RAPGEF5: variants seen among roughly 807,000 people sequenced by gnomAD.
RAPGEF5 encodes Rap guanine nucleotide exchange factor 5, also known as M-Ras-regulated GEF.
Under a neutral mutation model 125.2 loss-of-function variants are expected in RAPGEF5, and 65 were observed. The observed-to-expected ratio is 0.52, with a 90% CI of 0.43 to 0.64. The LOEUF is 0.64. Among genes scored for constraint, RAPGEF5 ranks in the 30% least tolerant of loss-of-function variants. The pLI is 0.00. For missense variants in RAPGEF5, 958 were observed against 1,048.1 expected (o/e 0.91, Z 1.19); for synonymous variants, 391 against 385.9 (o/e 1.01, Z -0.16).
At chr7:22,355,934 A>C (rs1784412535) in intron 1 of RAPGEF5, 5 of 981,540 alleles carry the variant, frequency 5.1e-6, no homozygotes, top group Middle Eastern at 5.2e-4. Flanking sequence ...CTTCTCATTA[A>C]AGACCACTTA....
intron 8 of RAPGEF5, among the ~76,000 whole-genome samples, chr7:22,225,178 T>C (rs553902785): frequency 6.3e-4 from 96 of 152,150 alleles, no homozygotes; most frequent in Admixed American, 1.1e-3. Context: ...TAGTAATAAA[T>C]AAATATGTAA....
intron 1 of RAPGEF5, among the ~76,000 whole-genome samples, chr7:22,320,849 T>A (rs1478824286): frequency 6.6e-6 from 1 of 152,200 alleles, no homozygotes; most frequent in African/African-American, 2.4e-5. Flanking sequence ...AAAGAACCTA[T>A]TAAGCCCATG....
chr7:22,299,089 A>C (rs1282752800), intron 5 of RAPGEF5, among the ~76,000 whole-genome samples: 1 of 142,482 alleles, frequency 7.0e-6, no homozygotes, highest in Non-Finnish European at 1.5e-5. Flanking sequence ...CACTTACATC[A>C]ATTTTTGTTA....
At chr7:22,233,767 A>G (rs1046137973) in intron 7 of RAPGEF5, among the ~76,000 whole-genome samples, 1 of 152,210 alleles carries the variant, frequency 6.6e-6, no homozygotes, top group Admixed American at 6.5e-5. Flanking sequence ...GGAATAGATG[A>G]ACATAAAAGC....
rs1275871568 is a variant in RAPGEF5, at chr7:22,193,471, G to A, written c.1116-16C>T. On this transcript the variant is annotated splice_polypyrimidine_tract_variant and intron_variant, in intron 10 of 25. Coordinates refer to ENST00000665637, the MANE Select transcript of RAPGEF5 (RefSeq NM_012294.5). The stretch of plus-strand genomic sequence containing the variant: ...CACCACATATCTGTCAGAGAGCAGA[G>A]AGTCCACTGAGTCATCCTCGGTGGA... The A allele has an allele frequency of 1.3e-6, 2 of 1,575,806 alleles. No individual in the cohort carries two copies. The highest frequency in any genetic ancestry group is 1.4e-5 in the African/African-American group (1 of 74,066).
chr7:22,326,153 T>C (rs1056304777), intron 1 of RAPGEF5, among the ~76,000 whole-genome samples: 8 of 152,226 alleles, frequency 5.3e-5, no homozygotes, highest in African/African-American at 1.9e-4. Context: ...AAAGGTGTGA[T>C]AGTGTAGGGT....
intron 2 of RAPGEF5, among the ~76,000 whole-genome samples, chr7:22,317,355 C>T (rs777054072): frequency 5.3e-5 from 8 of 151,702 alleles, no homozygotes; most frequent in Non-Finnish European, 8.8e-5. Flanking sequence ...ATTCTCCTGC[C>T]TCAGCTTCCC....
chr7:22,151,618 C>T (rs912866548), intron 17 of RAPGEF5, among the ~76,000 whole-genome samples: 1 of 151,964 alleles, frequency 6.6e-6, no homozygotes, highest in African/African-American at 2.4e-5. Context: ...GTGCCTGCTA[C>T]CACGCCTGGC....
chr7:22,276,297 T>G (rs1005539027), intron 6 of RAPGEF5, among the ~76,000 whole-genome samples: 2 of 152,234 alleles, frequency 1.3e-5, no homozygotes, highest in Non-Finnish European at 2.9e-5. Flanking sequence ...ATGATATAGT[T>G]TATTTAACAA....
At chr7:22,274,584 C>T (rs533032025) in intron 6 of RAPGEF5, among the ~76,000 whole-genome samples, 6 of 152,302 alleles carry the variant, frequency 3.9e-5, no homozygotes, top group African/African-American at 1.4e-4. Context: ...CCTGCCTCAG[C>T]CTCCTAAAGT....
chr7:22,149,499 T>A (rs1783550974), intron 18 of RAPGEF5, among the ~76,000 whole-genome samples: 1 of 152,208 alleles, frequency 6.6e-6, no homozygotes, highest in African/African-American at 2.4e-5. Flanking sequence ...CAGAAGCCAA[T>A]CCCAGGACTG....
chr7:22,304,091 T>C (rs1783275973), intron 5 of RAPGEF5, among the ~76,000 whole-genome samples: 1 of 151,976 alleles, frequency 6.6e-6, no homozygotes, highest in Non-Finnish European at 1.5e-5. Context: ...ATATTCCAAG[T>C]CTAGATAAGC....
rs555582108 is a variant in RAPGEF5, at chr7:22,198,257, G to A, written c.997-4224C>T. Among the ~76,000 whole-genome samples the A allele has an allele frequency of 7.9e-5, 12 of 152,282 alleles. No individual in the cohort carries two copies. In the East Asian group the frequency reaches 1.2e-3, roughly 15 times the overall value. On this transcript the variant is annotated intron_variant, in intron 9 of 25. Transcript: ENST00000665637. ...GAGGCGCTCTTCCTAAGGAGGGATC[G>A]TCAAACTCTGCTGGTGTTCATCAAA... is the stretch of plus-strand genomic sequence containing the variant.
chr7:22,315,320 T>A (rs974069028), intron 3 of RAPGEF5, 50 bp downstream of exon 3: 16 of 1,520,506 alleles, frequency 1.1e-5, no homozygotes, highest in East Asian at 2.6e-5. Context: ...ACAGGGTGGT[T>A]TTTTTTCCTC....
chr7:22,239,387 G>A (rs531041400), intron 7 of RAPGEF5, among the ~76,000 whole-genome samples: 2 of 152,146 alleles, frequency 1.3e-5, no homozygotes, highest in Non-Finnish European at 2.9e-5. Flanking sequence ...TGTGCTGTAT[G>A]TTCGGGAAAG....
chr7:22,293,221 T>A (rs1231664068), intron 5 of RAPGEF5, among the ~76,000 whole-genome samples: 1 of 152,212 alleles, frequency 6.6e-6, no homozygotes, highest in African/African-American at 2.4e-5. Flanking sequence ...TGTTTTTCCA[T>A]CTGCCTTCAA....
chr7:22,158,312 C>T (rs2128110259), intron 14 of RAPGEF5, among the ~76,000 whole-genome samples: 1 of 152,304 alleles, frequency 6.6e-6, no homozygotes, highest in South Asian at 2.1e-4. Flanking sequence ...AGCCAAGGCA[C>T]ATCTTCTCCA....
intron 7 of RAPGEF5, among the ~76,000 whole-genome samples, chr7:22,254,374 C>T (rs574515929): frequency 1.9e-4 from 28 of 150,794 alleles, no homozygotes; most frequent in Non-Finnish European, 3.1e-4. Flanking sequence ...TTTGGGAGGA[C>T]GAGGCGGGCG....
chr7:22,300,664 A>T (rs7781855), intron 5 of RAPGEF5, among the ~76,000 whole-genome samples: 4,680 of 151,896 alleles, frequency 0.031, 238 homozygotes, highest in African/African-American at 0.11. Context: ...AATTAATGAA[A>T]CCCTTCCCTA....
Sources: allele counts gnomAD v4.1 joint callset (sites outside exome capture counted in the v4.1 genomes callset), GRCh38; gene constraint gnomAD v4.1.1; transcripts MANE v1.5; gene names NCBI Gene and HGNC (gene_info 2026-07-23, HGNC 2026-07-21).